RAVER2: variants seen among roughly 807,000 people sequenced by gnomAD.
RAVER2 encodes the protein ribonucleoprotein, PTB binding 2.
A neutral mutation model predicts 78.1 loss-of-function variants in RAVER2; 46 were observed. The observed-to-expected ratio is 0.59, with a 90% CI of 0.46 to 0.75. RAVER2 has a LOEUF of 0.75. Among genes scored for constraint, RAVER2 ranks in the 30% least tolerant of loss-of-function variants. The pLI is 0.00. For missense variants in RAVER2, 793 were observed against 837.5 expected, an observed-to-expected ratio of 0.95 and a Z score of 0.66; for synonymous variants, 311 against 313.3, an observed-to-expected ratio of 0.99 and a Z score of 0.08.
chr1:64,774,209 T>C (rs977812666), intron 2 of RAVER2, among the ~76,000 whole-genome samples: 7 of 152,216 alleles, frequency 4.6e-5, no homozygotes, highest in African/African-American at 1.7e-4. Flanking sequence ...ATTTTGGCTT[T>C]TGTTGCCATT....
intron 3 of RAVER2, among the ~76,000 whole-genome samples, chr1:64,779,672 T>C: frequency 6.6e-6 from 1 of 151,996 alleles, no homozygotes; most frequent in East Asian, 1.9e-4. Flanking sequence ...ATGTTCTTCT[T>C]GAATACTAAG....
intron 9 of RAVER2, among the ~76,000 whole-genome samples, chr1:64,808,083 G>A (rs991225393): frequency 3.9e-5 from 6 of 151,976 alleles, no homozygotes; most frequent in Admixed American, 6.6e-5. Flanking sequence ...AATTTTATCC[G>A]GAAAATATCA....
In RAVER2 at chr1:64,807,539, AT is replaced by A. The variant is rs1275019382; in HGVS notation, c.1680+67del. 7 of 1,385,830 alleles carry A rather than the reference AT, an allele frequency of 5.1e-6. No individual in the cohort carries two copies. In the African/African-American group the frequency reaches 1.0e-4, roughly 20 times the overall value. 85.8% of individuals were successfully genotyped at this position (1,385,830 alleles called of 1,614,324 possible). ...GTATATGTATATATATTCCTTTTAA[AT>A]TATGTCTTAAATTGTCGTGTCAATG... On this transcript the variant is annotated intron_variant, in intron 9 of 11. Transcript: ENST00000294428.
chr1:64,763,357 G>C (rs1652076839), intron 1 of RAVER2, among the ~76,000 whole-genome samples: 1 of 151,954 alleles, frequency 6.6e-6, no homozygotes, highest in Non-Finnish European at 1.5e-5. Flanking sequence ...ATAGATGAAA[G>C]ATTACAACAG....
At chr1:64,754,695 C>G (rs1481417993) in intron 1 of RAVER2, among the ~76,000 whole-genome samples, 3 of 152,126 alleles carry the variant, frequency 2.0e-5, no homozygotes, top group Non-Finnish European at 4.4e-5. Context: ...GTATGGATCT[C>G]TTATAGCTTA....
intron 11 of RAVER2, among the ~76,000 whole-genome samples, chr1:64,828,173 G>A (rs77291101): frequency 1.2e-4 from 6 of 52,118 alleles, no homozygotes; most frequent in South Asian, 5.2e-4. Flanking sequence ...CCCACCCCCC[G>A]CCCATTTTCC....
At chr1:64,778,373 C>A (rs1381683702) in intron 3 of RAVER2, among the ~76,000 whole-genome samples, 1 of 152,118 alleles carries the variant, frequency 6.6e-6, no homozygotes, top group African/African-American at 2.4e-5. Flanking sequence ...TCCATCAATC[C>A]ATTTATCTAT....
At chr1:64,830,948 A>C in exon 12 of RAVER2, 9 of 1,613,812 alleles carry the variant, frequency 5.6e-6, no homozygotes, top group Non-Finnish European at 7.6e-6. Context: ...GGAGCATATT[A>C]CATGGAAACT....
rs58298918 is a variant in RAVER2 at position 64,763,917 on chromosome 1, T to TACACACACACACAC, written c.250-4714_250-4701dup. ...AAACTCCATCTCAAAAAAACAAAAA[T>TACACACACACACAC]ACACACACACACACACACACACACA... On this transcript the variant is annotated intron_variant, in intron 1 of 11. Coordinates refer to ENST00000294428, the Ensembl canonical transcript of RAVER2. 6.3e-3 allele frequency among the ~76,000 whole-genome samples: 849 copies of TACACACACACACAC among 133,800 alleles called. 7 individuals carry two copies. The highest frequency in any genetic ancestry group is 0.024 in the East Asian group (105 of 4,370). 87.8% of individuals were successfully genotyped at this position (133,800 alleles called of 152,430 possible).
At chr1:64,786,950 G>T (rs550004986) in intron 4 of RAVER2, among the ~76,000 whole-genome samples, 7 of 152,210 alleles carry the variant, frequency 4.6e-5, no homozygotes, top group Admixed American at 1.3e-4. Context: ...TATAGAATTG[G>T]TTTTTTGAGG....
chr1:64,804,756 C>A (rs1483753941), exon 7 of RAVER2: 1 of 1,523,128 alleles, frequency 6.6e-7, no homozygotes, highest in East Asian at 2.3e-5. Flanking sequence ...GGTAATACTT[C>A]TAATTTATTC....
At chr1:64,763,917 T>TACACACACACAC (rs58298918) in intron 1 of RAVER2, among the ~76,000 whole-genome samples, 3,354 of 133,722 alleles carry the variant, frequency 0.025, 61 homozygotes, top group East Asian at 0.046. Flanking sequence ...AAAACAAAAA[T>TACACACACACAC]ACACACACAC....
intron 11 of RAVER2, among the ~76,000 whole-genome samples, chr1:64,820,714 C>G (rs1218065020): frequency 6.6e-6 from 1 of 152,214 alleles, no homozygotes; most frequent in African/African-American, 2.4e-5. Flanking sequence ...GCTTCCAGCT[C>G]TATCCATGTT....
At chr1:64,808,456 CTTTTTTTT>C (rs71584460) in intron 9 of RAVER2, among the ~76,000 whole-genome samples, 2 of 103,164 alleles carry the variant, frequency 1.9e-5, no homozygotes, top group Non-Finnish European at 3.7e-5. Context: ...TAATGCAGTC[CTTTTTTTT>C]TTTTTTTTTT....
chr1:64,778,213 C>G (rs1652527947), intron 3 of RAVER2, 121 bp downstream of exon 3: 1 of 813,196 alleles, frequency 1.2e-6, no homozygotes, highest in African/African-American at 1.7e-5. Context: ...AATTCTGCAT[C>G]ATTCTGTAGG....
chr1:64,814,366 G>T (rs1383002685), intron 10 of RAVER2, among the ~76,000 whole-genome samples: 2 of 152,196 alleles, frequency 1.3e-5, no homozygotes, highest in Middle Eastern at 3.4e-3. Context: ...GCCTCTCAAA[G>T]TGCTGGAATT....
chr1:64,806,621 T>G (rs193256443), intron 8 of RAVER2, among the ~76,000 whole-genome samples: 3 of 152,300 alleles, frequency 2.0e-5, no homozygotes, highest in Admixed American at 2.0e-4. Flanking sequence ...GCATTTCTGT[T>G]TGTGAATACT....
At chr1:64,812,749 G>A in exon 10 of RAVER2, 2 of 1,610,478 alleles carry the variant, frequency 1.2e-6, no homozygotes, top group Non-Finnish European at 8.5e-7. Flanking sequence ...CTGCCTCTAA[G>A]AATCAAACTT....
chr1:64,793,716 AATCCATCCCCT>A (rs574223737), intron 5 of RAVER2, among the ~76,000 whole-genome samples: 264 of 152,268 alleles, frequency 1.7e-3, no homozygotes, highest in African/African-American at 6.3e-3. Flanking sequence ...GTCCATTTGT[AATCCATCCCCT>A]ATCCTGTCCC....
Sources: allele counts gnomAD v4.1 joint callset (sites outside exome capture counted in the v4.1 genomes callset), GRCh38; gene constraint gnomAD v4.1.1; transcripts MANE v1.5; gene names NCBI Gene and HGNC (gene_info 2026-07-23, HGNC 2026-07-21).